The following RORB variants were observed in gnomAD, a reference collection of about 807,000 sequenced individuals.
The protein encoded by RORB is RAR related orphan receptor B, also known as nuclear receptor ROR-beta.
Under a neutral mutation model 59.1 loss-of-function variants are expected in RORB, and 6 were observed. The observed-to-expected ratio is 0.10, with a 90% CI of 0.06 to 0.20. The LOEUF is 0.20. RORB is among the 10% of genes least tolerant of loss of function. RORB has a pLI of 1.00. For missense variants in RORB, 320 were observed against 560.5 expected (o/e 0.57, Z 4.33); for synonymous variants, 215 against 204.5 (o/e 1.05, Z -0.44).
At chr9:74,513,616 G>C (rs1480686494) in intron 1 of RORB, among the ~76,000 whole-genome samples, 6 of 151,890 alleles carry the variant, frequency 4.0e-5, no homozygotes, top group Non-Finnish European at 8.8e-5. Flanking sequence ...GTATAACCTA[G>C]TAACTAATAA....
chr9:74,569,753 T>C (rs1024308446), intron 1 of RORB, among the ~76,000 whole-genome samples: 2 of 152,070 alleles, frequency 1.3e-5, no homozygotes, highest in African/African-American at 4.8e-5. Context: ...GGAAATTATA[T>C]ACTGCATTTG....
At chr9:74,621,313 C>CT (rs1279572481) in intron 1 of RORB, among the ~76,000 whole-genome samples, 1 of 152,126 alleles carries the variant, frequency 6.6e-6, no homozygotes, top group Non-Finnish European at 1.5e-5. Flanking sequence ...TTTTAATTAT[C>CT]TTTGTAGTTT....
chr9:74,656,667 T>G (rs1380295633), intron 4 of RORB, among the ~76,000 whole-genome samples: 1 of 152,106 alleles, frequency 6.6e-6, no homozygotes, highest in South Asian at 2.1e-4. Context: ...ATCCGAGAAG[T>G]GGAGGTTGCA....
intron 1 of RORB, among the ~76,000 whole-genome samples, chr9:74,513,833 T>C (rs966164293): frequency 2.0e-5 from 3 of 152,152 alleles, no homozygotes; most frequent in African/African-American, 4.8e-5. Context: ...TCTATTTTAA[T>C]ATATAAAATC....
At chr9:74,594,394 C>T (rs1822943076) in intron 1 of RORB, among the ~76,000 whole-genome samples, 2 of 152,218 alleles carry the variant, frequency 1.3e-5, no homozygotes, top group South Asian at 2.1e-4. Context: ...ATGGAAGCTC[C>T]AAACAAAAGA....
chr9:74,665,316 G>A (rs1824247813), intron 6 of RORB, among the ~76,000 whole-genome samples, 172 bp from the exon 7 acceptor site: 1 of 151,942 alleles, frequency 6.6e-6, no homozygotes, highest in Non-Finnish European at 1.5e-5. Flanking sequence ...TTATTTTAGG[G>A]GAAGGAACTT....
chr9:74,674,362 G>A (rs2118554033), intron 9 of RORB, among the ~76,000 whole-genome samples: 1 of 152,292 alleles, frequency 6.6e-6, no homozygotes, highest in East Asian at 1.9e-4. Context: ...CTAAAAAAAT[G>A]CACATGTACC....
At chr9:74,599,094 T>G (rs1823016295) in intron 1 of RORB, among the ~76,000 whole-genome samples, 1 of 152,108 alleles carries the variant, frequency 6.6e-6, no homozygotes, top group Non-Finnish European at 1.5e-5. Flanking sequence ...TCCTGACACT[T>G]TCACAGTGGA....
At chr9:74,631,645 G>T (rs983860855) in intron 2 of RORB, among the ~76,000 whole-genome samples, 7 of 152,280 alleles carry the variant, frequency 4.6e-5, no homozygotes, top group African/African-American at 1.7e-4. Context: ...AGAATAAAGT[G>T]GGAGAGGGAA....
At chr9:74,667,925 C>A in intron 8 of RORB, 24 bp downstream of exon 8, 8 of 1,458,634 alleles carry the variant, frequency 5.5e-6, no homozygotes, top group Non-Finnish European at 7.7e-6. Flanking sequence ...AGTTCTCTTA[C>A]CTTTTTAAAA....
chr9:74,597,369 G>C (rs1822983253), intron 1 of RORB, among the ~76,000 whole-genome samples: 1 of 152,226 alleles, frequency 6.6e-6, no homozygotes, highest in South Asian at 2.1e-4. Context: ...TATGTAGAGA[G>C]GCACTGGCCA....
intron 1 of RORB, among the ~76,000 whole-genome samples, chr9:74,606,554 A>G (rs988665878): frequency 7.2e-5 from 11 of 152,202 alleles, no homozygotes; most frequent in African/African-American, 2.7e-4. Flanking sequence ...TCCTTCTACA[A>G]ACACAAACTT....
intron 1 of RORB, among the ~76,000 whole-genome samples, chr9:74,627,973 A>T (rs1229375068): frequency 6.6e-6 from 1 of 152,194 alleles, no homozygotes; most frequent in African/African-American, 2.4e-5. Flanking sequence ...GAAGACTAAC[A>T]TTTCCTAGCT....
In RORB at chr9:74,622,519, ATTTTTT is replaced by A. The variant is rs33946613; in HGVS notation, c.8-7743_8-7738del. ...TCACAGAGATGCTGTTACAACCCAG[ATTTTTT>A]TTTTTTTTTTTTTTTTTTTGAGACA... On this transcript the variant is annotated intron_variant, in intron 1 of 9. Coordinates refer to ENST00000376896, the MANE Select transcript of RORB (RefSeq NM_006914.4). Among the ~76,000 whole-genome samples, 5 of 74,142 alleles carry A rather than the reference ATTTTTT, an allele frequency of 6.7e-5. 1 individual carries two copies. The highest frequency in any genetic ancestry group is 1.2e-4 in the Non-Finnish European group (5 of 42,980). 48.6% of individuals were successfully genotyped at this position (74,142 alleles called of 152,430 possible).
At chr9:74,658,057 T>A (rs1824117649) in intron 4 of RORB, among the ~76,000 whole-genome samples, 1 of 151,868 alleles carries the variant, frequency 6.6e-6, no homozygotes, top group Admixed American at 6.6e-5. Context: ...AAAATCTTTG[T>A]TTTTTTAATC....
At chr9:74,682,264 T>C (rs192070876) in intron 9 of RORB, among the ~76,000 whole-genome samples, 13 of 122,600 alleles carry the variant, frequency 1.1e-4, no homozygotes, top group African/African-American at 3.4e-4. Flanking sequence ...TGTGTCCATG[T>C]GTTCACCGGG....
chr9:74,618,010 A>G (rs1290124103), intron 1 of RORB, among the ~76,000 whole-genome samples: 1 of 152,172 alleles, frequency 6.6e-6, no homozygotes, highest in East Asian at 1.9e-4. Flanking sequence ...AATTTGCTGG[A>G]ACATAAATTA....
intron 1 of RORB, among the ~76,000 whole-genome samples, chr9:74,559,111 G>A (rs1030242542): frequency 2.0e-5 from 3 of 152,152 alleles, no homozygotes; most frequent in East Asian, 1.9e-4. Context: ...CCGTGCATAC[G>A]ATTTGATAAC....
At chr9:74,554,823 TC>T (rs1420559465) in intron 1 of RORB, among the ~76,000 whole-genome samples, 1 of 152,128 alleles carries the variant, frequency 6.6e-6, no homozygotes, top group Non-Finnish European at 1.5e-5. Context: ...AAGAATTCAG[TC>T]CCCACTAAAA....
Sources: allele counts gnomAD v4.1 joint callset (sites outside exome capture counted in the v4.1 genomes callset), GRCh38; gene constraint gnomAD v4.1.1; transcripts MANE v1.5; gene names NCBI Gene and HGNC (gene_info 2026-07-23, HGNC 2026-07-21).